RIC3: variants seen among roughly 807,000 people sequenced by gnomAD.
RIC3 encodes RIC3 acetylcholine receptor chaperone.
A neutral mutation model predicts 27.3 loss-of-function variants in RIC3; 28 were observed. The observed-to-expected ratio is 1.02, with a 90% CI of 0.76 to 1.41. RIC3 has a LOEUF of 1.41. Ranked by LOEUF, RIC3 falls within the 40% of genes most tolerant of loss-of-function variation. RIC3 has a pLI of 0.00. For missense variants in RIC3, 501 were observed against 444.7 expected, an observed-to-expected ratio of 1.13 and a Z score of -1.14; for synonymous variants, 184 against 160.4, an observed-to-expected ratio of 1.15 and a Z score of -1.11.
intron 1 of RIC3, among the ~76,000 whole-genome samples, chr11:8,161,570 A>G (rs1249220011): frequency 6.6e-6 from 1 of 152,182 alleles, no homozygotes; most frequent in Non-Finnish European, 1.5e-5. Flanking sequence ...TCCAGAGTGG[A>G]TTCATCAGTA....
intron 1 of RIC3, among the ~76,000 whole-genome samples, chr11:8,146,221 C>G (rs1271587367): frequency 6.6e-6 from 1 of 152,180 alleles, no homozygotes. Context: ...GCTTTGGAAA[C>G]CACACTTTAG....
At chr11:8,101,855 T>TGGCGA, downstream of RIC3, 1 of 475,826 alleles carries the variant, frequency 2.1e-6, no homozygotes, top group Non-Finnish European at 3.5e-6. Context: ...ATTCTTTCCA[T>TGGCGA]GCCACGAGAT....
At chr11:8,143,592 G>A (rs1160803254) in intron 1 of RIC3, among the ~76,000 whole-genome samples, 2 of 152,012 alleles carry the variant, frequency 1.3e-5, no homozygotes, top group African/African-American at 4.8e-5. Flanking sequence ...TCGTGAAAAT[G>A]GCCATACTGC....
chr11:8,162,190 G>C (rs533903867), intron 1 of RIC3, among the ~76,000 whole-genome samples: 1 of 152,374 alleles, frequency 6.6e-6, no homozygotes, highest in East Asian at 1.9e-4. Flanking sequence ...TAGAGCCCCA[G>C]TGTGACAACT....
intron 4 of RIC3, chr11:8,128,276 C>T (rs1426289177): frequency 2.2e-5 from 10 of 457,334 alleles, no homozygotes; most frequent in African/African-American, 8.0e-5. Flanking sequence ...CCAGACTGTA[C>T]GCAGGGCATT....
the RIC3 span, chr11:8,093,902 G>C: frequency 2.2e-6 from 2 of 914,104 alleles, no homozygotes; most frequent in Non-Finnish European, 3.4e-6. Flanking sequence ...GCCTGATCCT[G>C]TGGGCTGTAG....
the RIC3 span, chr11:8,097,398 G>A: frequency 6.8e-6 from 11 of 1,614,202 alleles, 1 homozygote; most frequent in Middle Eastern, 1.6e-4. Context: ...CCTACTTTCT[G>A]CACCTGGACC....
chr11:8,114,884 G>GT (rs1331766549), intron 5 of RIC3, among the ~76,000 whole-genome samples: 12 of 151,954 alleles, frequency 7.9e-5, no homozygotes, highest in Admixed American at 2.6e-4. Flanking sequence ...TTGAGCAAAA[G>GT]AATGAACCTT....
chr11:8,140,705 T>A (rs1948954843), intron 1 of RIC3, among the ~76,000 whole-genome samples: 2 of 152,206 alleles, frequency 1.3e-5, no homozygotes, highest in Non-Finnish European at 2.9e-5. Context: ...CATCTGGACC[T>A]GTCTGTAAGA....
At chr11:8,104,361 C>G (rs897032920), downstream of RIC3, 3 of 152,272 alleles carry the variant, frequency 2.0e-5, no homozygotes, top group African/African-American at 7.2e-5. Context: ...AGTTCACTTC[C>G]CCAACTCTTC....
At chr11:8,099,586 A>G in the RIC3 span, among the ~76,000 whole-genome samples, 5 of 152,218 alleles carry the variant, frequency 3.3e-5, no homozygotes, top group Non-Finnish European at 7.3e-5. Context: ...GGATATAGTA[A>G]TGAACAGACA....
chr11:8,095,686 G>C, the RIC3 span: 3 of 1,568,550 alleles, frequency 1.9e-6, no homozygotes, highest in Non-Finnish European at 2.6e-6. Flanking sequence ...TGGGGACCCA[G>C]TGATACCCCC....
chr11:8,138,173 T>C (rs1948625894), intron 3 of RIC3, 99 bp downstream of exon 3: 1 of 816,672 alleles, frequency 1.2e-6, no homozygotes. Flanking sequence ...GGAGCAACTT[T>C]TGAGAAATGC....
chr11:8,103,279 G>C (rs1944384589), downstream of RIC3: 1 of 152,192 alleles, frequency 6.6e-6, no homozygotes, highest in South Asian at 2.1e-4. Flanking sequence ...TTGCTCATTT[G>C]TCATTTACCC....
the RIC3 span, among the ~76,000 whole-genome samples, chr11:8,100,347 G>A: frequency 1.3e-5 from 2 of 152,170 alleles, no homozygotes; most frequent in Non-Finnish European, 2.9e-5. Context: ...AGACCCAGGG[G>A]CTCAGTTCTG....
chr11:8,101,077 G>A (rs1589999998), downstream of RIC3: 1 of 1,492,916 alleles, frequency 6.7e-7, no homozygotes, highest in Non-Finnish European at 9.2e-7. Flanking sequence ...ACCTAGCCCT[G>A]CCTACACTGG....
At chr11:8,133,005 T>G (rs1345801702) in intron 4 of RIC3, among the ~76,000 whole-genome samples, 1 of 152,228 alleles carries the variant, frequency 6.6e-6, no homozygotes, top group African/African-American at 2.4e-5. Context: ...ATGTTGAAAC[T>G]TAATTGACAT....
chr11:8,147,124 C>T (rs1219322547), intron 1 of RIC3, among the ~76,000 whole-genome samples: 1 of 152,228 alleles, frequency 6.6e-6, no homozygotes. Flanking sequence ...TCTCACCTAT[C>T]TGTGACCTGG....
chr11:8,096,705 T>C, the RIC3 span: 5 of 1,612,544 alleles, frequency 3.1e-6, no homozygotes, highest in Non-Finnish European at 4.2e-6. Flanking sequence ...CAGCATGAGC[T>C]TTGACGAGGA....
Sources: allele counts gnomAD v4.1 joint callset (sites outside exome capture counted in the v4.1 genomes callset), GRCh38; gene constraint gnomAD v4.1.1; transcripts MANE v1.5; gene names NCBI Gene and HGNC (gene_info 2026-07-23, HGNC 2026-07-21).